AHCYL2: variants seen among roughly 807,000 people sequenced by gnomAD.
The protein encoded by AHCYL2 is adenosylhomocysteinase like 2.
In AHCYL2, 28 loss-of-function variants were observed where a neutral mutation model predicts 81.4. That is an observed-to-expected ratio of 0.34 (90% confidence interval 0.25 to 0.47). The LOEUF (loss-of-function observed/expected upper bound fraction) is 0.47, where lower values mean the gene tolerates loss of function less well. Among genes scored for constraint, AHCYL2 ranks in the 20% least tolerant of loss-of-function variants. The pLI, the probability that AHCYL2 is intolerant of heterozygous loss-of-function variation, is 1.00. For missense variants in AHCYL2, 551 were observed against 785.1 expected (o/e 0.70, Z 3.56); for synonymous variants, 272 against 290.2 (o/e 0.94, Z 0.64).
intron 10 of AHCYL2, among the ~76,000 whole-genome samples, chr7:129,408,362 A>G (rs1156463300): frequency 6.6e-6 from 1 of 152,192 alleles, no homozygotes; most frequent in Non-Finnish European, 1.5e-5. Flanking sequence ...GAGATGAAAG[A>G]GACGTTTATG....
chr7:129,261,046 T>C (rs940246336), intron 1 of AHCYL2, among the ~76,000 whole-genome samples: 3 of 152,184 alleles, frequency 2.0e-5, no homozygotes, highest in African/African-American at 4.8e-5. Context: ...CATCTCGGCC[T>C]CCCAAAGTGC....
intron 13 of AHCYL2, among the ~76,000 whole-genome samples, chr7:129,424,398 TAATC>T (rs143619970): frequency 0.059 from 8,972 of 151,730 alleles, 315 homozygotes; most frequent in Non-Finnish European, 0.065. Context: ...AGACTCCATC[TAATC>T]AATCAATCAA....
At chr7:129,258,742 G>C (rs942495814) in intron 1 of AHCYL2, among the ~76,000 whole-genome samples, 1 of 152,168 alleles carries the variant, frequency 6.6e-6, no homozygotes, top group Middle Eastern at 3.4e-3. Context: ...ATGAACTTTT[G>C]AGTAGCCTGA....
chr7:129,320,194 A>G (rs924931523), intron 1 of AHCYL2, among the ~76,000 whole-genome samples: 3 of 151,930 alleles, frequency 2.0e-5, no homozygotes, highest in African/African-American at 7.3e-5. Context: ...CCTAATTTTT[A>G]ATTGGGTTGT....
intron 1 of AHCYL2, among the ~76,000 whole-genome samples, chr7:129,283,773 T>A (rs902262277): frequency 7.2e-5 from 11 of 152,182 alleles, no homozygotes; most frequent in Non-Finnish European, 1.5e-4. Context: ...TCAGCATCAC[T>A]ATCTTTTTTC....
chr7:129,304,263 GT>G (rs889704721), intron 1 of AHCYL2, among the ~76,000 whole-genome samples: 7 of 152,122 alleles, frequency 4.6e-5, no homozygotes, highest in Non-Finnish European at 8.8e-5. Context: ...TATTACTTCA[GT>G]TTTTTGAGTG....
At chr7:129,254,475 A>G (rs1795343407) in intron 1 of AHCYL2, among the ~76,000 whole-genome samples, 1 of 152,224 alleles carries the variant, frequency 6.6e-6, no homozygotes, top group Non-Finnish European at 1.5e-5. Flanking sequence ...GAAACTAGCT[A>G]GTACTGTTTT....
At chr7:129,267,201 A>T (rs1795838607) in intron 1 of AHCYL2, among the ~76,000 whole-genome samples, 1 of 148,492 alleles carries the variant, frequency 6.7e-6, no homozygotes, top group African/African-American at 2.5e-5. Flanking sequence ...AGAGTAGTAC[A>T]CCCTCCAAGT....
intron 1 of AHCYL2, among the ~76,000 whole-genome samples, chr7:129,344,685 C>T (rs1793298963): frequency 6.6e-6 from 1 of 152,034 alleles, no homozygotes; most frequent in South Asian, 2.1e-4. Context: ...TGTATAAAGG[C>T]CCTAAGTTGG....
chr7:129,262,357 G>T (rs751994632), intron 1 of AHCYL2, among the ~76,000 whole-genome samples: 1 of 152,220 alleles, frequency 6.6e-6, no homozygotes, highest in Non-Finnish European at 1.5e-5. Flanking sequence ...ACATGTACAT[G>T]CACAGTTGAG....
rs1205549113 is a variant in AHCYL2, at chr7:129,422,849, C to T, written c.1471C>T (p.Arg491Trp). 9 of 1,613,682 alleles carry T rather than the reference C, an allele frequency of 5.6e-6. 1 individual carries two copies. The highest frequency in any genetic ancestry group is 1.3e-5 in the African/African-American group (1 of 74,900). The change falls in exon 13 of 17, where the codon CGG becomes TGG. Residue 491 changes from arginine to tryptophan, a missense_variant. This residue lies in a region of AHCYL2 where 316 missense variants were observed against 543.1 expected (regional missense o/e 0.58). Transcript: ENST00000325006. ...SNTEIDVASL[R>W]TPELTWERVR... ...GCTGTATGTGTTCCAGGCGAGTCTG[C>T]GGACACCAGAACTGACCTGGGAGCG... is the stretch of plus-strand genomic sequence containing the variant.
chr7:129,413,259 A>G (rs1015315815), intron 11 of AHCYL2, among the ~76,000 whole-genome samples: 1 of 149,518 alleles, frequency 6.7e-6, no homozygotes, highest in Non-Finnish European at 1.5e-5. Flanking sequence ...CTCCTGCCTC[A>G]GCCTCCTAAG....
chr7:129,414,420 C>CTT (rs10653631), intron 12 of AHCYL2, among the ~76,000 whole-genome samples: 71,899 of 124,246 alleles, frequency 0.58, 22,619 homozygotes, highest in East Asian at 0.93. Flanking sequence ...AATGTTGTTT[C>CTT]TTTTTTTTTT....
intron 12 of AHCYL2, among the ~76,000 whole-genome samples, chr7:129,417,368 G>A (rs545721767): frequency 1.3e-5 from 2 of 152,170 alleles, no homozygotes; most frequent in African/African-American, 4.8e-5. Flanking sequence ...GATCTTAGAG[G>A]GCCTCATAGC....
intron 1 of AHCYL2, among the ~76,000 whole-genome samples, chr7:129,276,657 G>C (rs1584733647): frequency 6.8e-6 from 1 of 147,214 alleles, no homozygotes; most frequent in South Asian, 2.2e-4. Flanking sequence ...GCTGAGGCAT[G>C]AGAATTGCTT....
intron 11 of AHCYL2, among the ~76,000 whole-genome samples, chr7:129,411,936 G>T (rs529879201): frequency 1.3e-5 from 2 of 152,198 alleles, no homozygotes; most frequent in Admixed American, 6.5e-5. Context: ...TCACTTTTTG[G>T]CTATTAGGAA....
rs564663172 is a variant in AHCYL2 at position 129,423,589 on chromosome 7, A to G, written c.1560+651A>G. On this transcript the variant is annotated intron_variant, in intron 13 of 16. Coordinates refer to ENST00000325006, the MANE Select transcript of AHCYL2 (RefSeq NM_015328.4). ...ACAGCTATAATATTAGATGCCTTCT[A>G]TTCTTACCTTGAAGCTTTCTCTTCT... is the stretch of plus-strand genomic sequence containing the variant. 1.5e-4 allele frequency among the ~76,000 whole-genome samples: 23 copies of G among 152,278 alleles called. No individual in the cohort carries two copies. In the South Asian group the frequency reaches 4.6e-3, roughly 30 times the overall value.
chr7:129,297,852 A>G (rs990978321), intron 1 of AHCYL2, among the ~76,000 whole-genome samples: 3 of 152,042 alleles, frequency 2.0e-5, no homozygotes, highest in Non-Finnish European at 2.9e-5. Context: ...AGGGAGAGCC[A>G]GTCTCTAAAA....
intron 1 of AHCYL2, among the ~76,000 whole-genome samples, chr7:129,313,527 G>A (rs1797731629): frequency 6.6e-6 from 1 of 152,218 alleles, no homozygotes; most frequent in African/African-American, 2.4e-5. Flanking sequence ...GTTTTTTGCT[G>A]TGTAGTTTCA....
Sources: gnomAD v4.1 joint callset for allele counts (sites outside exome capture counted in the v4.1 genomes callset) on GRCh38, gnomAD v4.1.1 for gene constraint, gnomAD v4.1.1 regional missense constraint, MANE v1.5 for transcripts, NCBI Gene and HGNC (gene_info 2026-07-23, HGNC 2026-07-21) for gene names.